The following GPR155 variants were observed in gnomAD, a reference collection of about 807,000 sequenced individuals.
GPR155 encodes the protein lysosomal cholesterol signaling protein.
A neutral mutation model predicts 93.1 loss-of-function variants in GPR155; 65 were observed. The ratio of observed to expected loss-of-function variants is 0.70; its 90% confidence interval spans 0.57 to 0.86. GPR155 has a LOEUF of 0.86. Ranked by LOEUF, GPR155 falls within the 40% of genes least tolerant of loss-of-function variation. The pLI, the probability that GPR155 is intolerant of heterozygous loss-of-function variation, is 0.00. For synonymous variants in GPR155, 319 were observed against 360.1 expected (o/e 0.89, Z 1.29); for missense variants, 838 against 1,034.8 (o/e 0.81, Z 2.61).
At position 174,446,633 on chromosome 2, in the gene GPR155, A is replaced by G; in HGVS notation, c.1991T>C (p.Leu664Pro). Residue 664 changes from leucine to proline, a missense_variant, in exon 12 of 16, where the codon CTT becomes CCT. This residue lies in a region of GPR155 where 663 missense variants were observed against 790.1 expected (regional missense o/e 0.84). Transcript: ENST00000392552. Reference protein sequence around the residue: ...QLTRHVLLCLLLIIGLFANLS... With the variant: ...QLTRHVLLCLPLIIGLFANLS... ...TACAGCGAACAGGCCAATGATGAGA[A>G]GTAAACACAGCAACACATGTCGGGT... The G allele has an allele frequency of 6.2e-7, 1 of 1,614,022 alleles. No individual in the cohort carries two copies. Among genetic ancestry groups the G allele is most frequent in the Non-Finnish European group, 8.5e-7 (1 of 1,179,976 alleles).
At chr2:174,477,128 AATCCATTTTTAT>A (rs1688189530) in intron 2 of GPR155, among the ~76,000 whole-genome samples, 1 of 152,196 alleles carries the variant, frequency 6.6e-6, no homozygotes, top group Non-Finnish European at 1.5e-5. Flanking sequence ...GTTGTCAATG[AATCCATTTTTAT>A]ATCCATTTTT....
At position 174,436,257 on chromosome 2, in the gene GPR155, G is replaced by A. The variant is rs1466734836; in HGVS notation, c.2472C>T (p.Phe824=). ...VIQHITNEYE[F]RDEYLFYRFL... ...ATCTGTAAAACAAGTACTCATCCCG[G>A]AATTCATACTCGTTGGTAATATGTT... Residue 824 remains phenylalanine (F), a synonymous_variant, in exon 16 of 16, where the codon TTC becomes TTT. Coordinates refer to ENST00000392552, the MANE Select transcript of GPR155 (RefSeq NM_152529.7). 6.2e-7 allele frequency: 1 copy of A among 1,614,104 alleles called. No homozygotes were observed. Among genetic ancestry groups the A allele is most frequent in the Admixed American group, 1.7e-5 (1 of 60,020 alleles).
intron 12 of GPR155, among the ~76,000 whole-genome samples, chr2:174,446,321 T>G (rs7422943): frequency 5.5e-4 from 2 of 3,608 alleles, no homozygotes; most frequent in East Asian, 5.9e-3. Context: ...AAAAAAAAAA[T>G]AAAAAATAAA....
chr2:174,474,221 C>T (rs922213197), intron 2 of GPR155, among the ~76,000 whole-genome samples: 4 of 152,178 alleles, frequency 2.6e-5, no homozygotes, highest in African/African-American at 9.7e-5. Flanking sequence ...CAGTTTTTAA[C>T]AGCAGAGCAG....
intron 11 of GPR155, among the ~76,000 whole-genome samples, chr2:174,450,023 G>A (rs958529960): frequency 2.6e-5 from 4 of 151,802 alleles, no homozygotes; most frequent in Admixed American, 1.3e-4. Flanking sequence ...GCACACGTCC[G>A]TAGTCCTGGC....
chr2:174,432,707 G>GGTATAGGTA lies in GPR155; in HGVS notation c.*3408_*3409insTACCTATAC, dbSNP rs927134267. On this transcript the variant is annotated 3_prime_UTR_variant, in exon 16 of 16. Coordinates refer to ENST00000392552, the MANE Select transcript of GPR155 (RefSeq NM_152529.7). ...AACTTAAAATTGGTATAGGTTAATA[G>GGTATAGGTA]TACACTAAAGTATAATTTATTTGTT... The GGTATAGGTA allele has an allele frequency of 6.7e-6, 1 of 149,792 alleles. No homozygotes were observed. Among genetic ancestry groups the GGTATAGGTA allele is most frequent in the East Asian group, 1.9e-4 (1 of 5,132 alleles). 9.3% of individuals were successfully genotyped at this position (149,792 alleles called of 1,614,324 possible).
chr2:174,461,859 A>T (rs1168234849), intron 7 of GPR155, among the ~76,000 whole-genome samples, 187 bp from the exon 8 acceptor site: 1 of 152,166 alleles, frequency 6.6e-6, no homozygotes, highest in East Asian at 1.9e-4. Context: ...ATTCAAAATC[A>T]TTCATTGTTT....
chr2:174,458,925 T>C (rs1687599845), intron 10 of GPR155, among the ~76,000 whole-genome samples: 1 of 151,940 alleles, frequency 6.6e-6, no homozygotes, highest in South Asian at 2.1e-4. Context: ...CCATCTCTAC[T>C]AAAAATACAA....
At chr2:174,472,236 T>A (rs527529632) in intron 3 of GPR155, among the ~76,000 whole-genome samples, 23 of 152,186 alleles carry the variant, frequency 1.5e-4, no homozygotes, top group Non-Finnish European at 2.5e-4. Flanking sequence ...TGAAATCCCG[T>A]CTCTACTAAA....
chr2:174,446,730 G>A lies in GPR155; in HGVS notation c.1894C>T (p.Arg632Cys), dbSNP rs1297834538. The change falls in exon 12 of 16, where the codon CGC becomes TGC. Residue 632 changes from arginine to cysteine, a missense_variant. By Grantham distance (180) the Arg-to-Cys change is radical. Around this residue, in one of 3 missense-constraint regions of GPR155, gnomAD observed 663 missense variants for 790.1 expected, o/e 0.84. Coordinates refer to ENST00000392552, the MANE Select transcript of GPR155 (RefSeq NM_152529.7). ...SFEKNNHCVS[R>C]CNSQSCILAQ... Reference sequence around the variant, plus strand: ...AATATGCAGCTCTGGGAGTTACAGCGACTCACACAATGATTGTCTATAAAA... The same window carrying A: ...AATATGCAGCTCTGGGAGTTACAGCAACTCACACAATGATTGTCTATAAAA... 4 of 1,613,738 alleles carry A rather than the reference G, an allele frequency of 2.5e-6. No homozygotes were observed. The highest frequency in any genetic ancestry group is 3.4e-6 in the Non-Finnish European group (4 of 1,179,802).
At chr2:174,464,784 GT>G (rs1687793789) in intron 7 of GPR155, among the ~76,000 whole-genome samples, 1 of 152,060 alleles carries the variant, frequency 6.6e-6, no homozygotes, top group Non-Finnish European at 1.5e-5. Context: ...GCAAGATGTA[GT>G]TGCCTTTAAG....
intron 2 of GPR155, among the ~76,000 whole-genome samples, chr2:174,478,267 T>C (rs1035472116): frequency 2.6e-5 from 4 of 152,222 alleles, no homozygotes; most frequent in Non-Finnish European, 5.9e-5. Flanking sequence ...AGGGTCTCAC[T>C]GTCACCCAGG....
chr2:174,476,985 C>T lies in GPR155; in HGVS notation c.461-3621G>A, dbSNP rs187389244. On this transcript the variant is annotated intron_variant, in intron 2 of 15. Transcript: ENST00000392552. ...TTCCTTGAAAGCATCATTTTAATAG[C>T]CCTCAGTCCCTGGCATAATGCTTGA... Among the ~76,000 whole-genome samples, 36 of 152,298 alleles carry T rather than the reference C, an allele frequency of 2.4e-4. No individual in the cohort carries two copies. In the East Asian group the frequency reaches 5.0e-3, roughly 21 times the overall value.
At chr2:174,445,657 A>G (rs1687098754) in intron 12 of GPR155, among the ~76,000 whole-genome samples, 1 of 152,188 alleles carries the variant, frequency 6.6e-6, no homozygotes, top group African/African-American at 2.4e-5. Flanking sequence ...TCCATCTCCT[A>G]CCTCTGGACG....
chr2:174,441,581 C>T (rs928765176), intron 14 of GPR155, among the ~76,000 whole-genome samples: 4 of 152,068 alleles, frequency 2.6e-5, no homozygotes, highest in African/African-American at 9.7e-5. Context: ...ATCCCTCCCA[C>T]CTTACCCTAC....
At chr2:174,455,090 A>G (rs1475617456) in intron 10 of GPR155, among the ~76,000 whole-genome samples, 1 of 152,210 alleles carries the variant, frequency 6.6e-6, no homozygotes, top group Non-Finnish European at 1.5e-5. Context: ...GAAATTATAC[A>G]TTTTGAAGTG....
At position 174,435,776 on chromosome 2, in the gene GPR155, C is replaced by A; in HGVS notation, c.*340G>T. On this transcript the variant is annotated 3_prime_UTR_variant, in exon 16 of 16. Transcript: ENST00000392552. The stretch of plus-strand genomic sequence containing the variant: ...GGCGTGAGCCACCATGCCCGGCCTA[C>A]ACCATTTTATATAAGGGACTTGAGT... 5.2e-6 allele frequency: 1 copy of A among 193,854 alleles called. No individual in the cohort carries two copies. Among genetic ancestry groups the A allele is most frequent in the Non-Finnish European group, 1.1e-5 (1 of 93,986 alleles). The allele number at this position is 193,854 out of a possible 1,614,324, so 12.0% of individuals were successfully genotyped here. A position where few individuals can be genotyped will look rare whatever the true frequency, so the allele number is the denominator to read the frequency against.
intron 2 of GPR155, among the ~76,000 whole-genome samples, chr2:174,474,791 G>C (rs1274446878): frequency 2.0e-5 from 3 of 152,068 alleles, no homozygotes. Flanking sequence ...GTAGACGTGA[G>C]GGTTGGTGAC....
intron 11 of GPR155, among the ~76,000 whole-genome samples, chr2:174,452,409 C>T (rs1687346261): frequency 6.6e-6 from 1 of 152,164 alleles, no homozygotes; most frequent in African/African-American, 2.4e-5. Context: ...GATTTGCATA[C>T]ATTGTTTTCT....
Sources: allele counts gnomAD v4.1 joint callset (sites outside exome capture counted in the v4.1 genomes callset), GRCh38; gene constraint gnomAD v4.1.1; regional missense constraint gnomAD v4.1.1; transcripts MANE v1.5; gene names NCBI Gene and HGNC (gene_info 2026-07-23, HGNC 2026-07-21).